Variants in RANBP2 observed in about 807,000 individuals in gnomAD.
RANBP2 encodes the protein E3 SUMO-protein ligase RanBP2.
A neutral mutation model predicts 303.6 loss-of-function variants in RANBP2; 57 were observed. The ratio of observed to expected loss-of-function variants is 0.19; its 90% CI spans 0.15 to 0.23. The LOEUF is 0.23. Among genes scored for constraint, RANBP2 ranks in the 10% least tolerant of loss-of-function variants. RANBP2 has a pLI of 1.00. For missense variants in RANBP2, 3,138 were observed against 3,780.8 expected (o/e 0.83, Z 4.46); for synonymous variants, 1,167 against 1,301.5 (o/e 0.90, Z 2.23).
At chr2:109,100,947 T>C in the RANBP2 span, among the ~76,000 whole-genome samples, 13 of 152,162 alleles carry the variant, frequency 8.5e-5, no homozygotes, top group African/African-American at 1.9e-4. Flanking sequence ...AGCTAACCAA[T>C]TGAAGAACAA....
At chr2:109,625,212 G>A in the RANBP2 span, among the ~76,000 whole-genome samples, 1 of 151,910 alleles carries the variant, frequency 6.6e-6, no homozygotes, top group Non-Finnish European at 1.5e-5. Flanking sequence ...CCAGGCACTG[G>A]CCTGGAGATC....
At chr2:109,614,813 C>A in the RANBP2 span, 1 of 1,454,192 alleles carries the variant, frequency 6.9e-7, no homozygotes, top group South Asian at 1.3e-5. Flanking sequence ...CCCCCGACGG[C>A]CCTGCCGGGC....
chr2:109,729,298 A>G, the RANBP2 span, among the ~76,000 whole-genome samples: 9 of 152,194 alleles, frequency 5.9e-5, no homozygotes, highest in South Asian at 2.1e-4. Context: ...ACACCCAAAC[A>G]TGTTTTCATG....
At chr2:109,130,100 C>T in the RANBP2 span, 8 of 1,335,218 alleles carry the variant, frequency 6.0e-6, no homozygotes, top group Non-Finnish European at 6.7e-6. Context: ...AGCAGGACCG[C>T]GCCGGCGGCA....
chr2:108,925,908 G>A, the RANBP2 span, among the ~76,000 whole-genome samples: 1 of 152,152 alleles, frequency 6.6e-6, no homozygotes, highest in Non-Finnish European at 1.5e-5. Flanking sequence ...GAACCACCGA[G>A]CCTGACCGGT....
At chr2:109,339,210 TG>T in the RANBP2 span, among the ~76,000 whole-genome samples, 5 of 146,460 alleles carry the variant, frequency 3.4e-5, no homozygotes, top group African/African-American at 1.3e-4. Context: ...TAACTTTTAT[TG>T]AAAAAAATCC....
chr2:109,266,032 G>A, the RANBP2 span, among the ~76,000 whole-genome samples: 1 of 152,006 alleles, frequency 6.6e-6, no homozygotes, highest in South Asian at 2.1e-4. Context: ...GTATATATGT[G>A]TATTCGGTGT....
chr2:109,607,464 A>G, the RANBP2 span, among the ~76,000 whole-genome samples: 1 of 152,198 alleles, frequency 6.6e-6, no homozygotes, highest in Middle Eastern at 3.2e-3. Context: ...AAGAGAGCAG[A>G]AATCGGTTCT....
the RANBP2 span, among the ~76,000 whole-genome samples, chr2:108,840,897 C>T: frequency 4.6e-5 from 7 of 152,164 alleles, no homozygotes; most frequent in South Asian, 1.5e-3. Context: ...TTGCAACCTC[C>T]ACCTCCCAGG....
the RANBP2 span, among the ~76,000 whole-genome samples, chr2:108,829,822 T>G: frequency 2.6e-5 from 4 of 152,206 alleles, no homozygotes; most frequent in Non-Finnish European, 5.9e-5. Context: ...CCTTGTTTAC[T>G]GGTGATAGGA....
rs570323916 is a variant in RANBP2 at position 108,766,135 on chromosome 2, C to G, written c.5596C>G (p.Gln1866Glu). 6.2e-7 allele frequency: 1 copy of G among 1,613,550 alleles called. No individual in the cohort carries two copies. The highest frequency in any genetic ancestry group is 1.7e-5 in the Admixed American group (1 of 60,010). The change falls in exon 20 of 29, where the codon CAA becomes GAA. Residue 1866 changes from glutamine to glutamate, a missense_variant. Gln to Glu is a conservative substitution (Grantham distance 29). Coordinates refer to ENST00000283195, the MANE Select transcript of RANBP2 (RefSeq NM_006267.5). ...AGGATTCAAATTTGGGCATGTGGATCAAGAAAATTCACCTTCATTTATGTT... is the reference window on the plus strand; with the variant it reads ...AGGATTCAAATTTGGGCATGTGGATGAAGAAAATTCACCTTCATTTATGTT... ...EQGFKFGHVD[Q>E]ENSPSFMFQG...
chr2:109,018,627 C>T, the RANBP2 span, among the ~76,000 whole-genome samples: 13 of 152,230 alleles, frequency 8.5e-5, no homozygotes, highest in Non-Finnish European at 1.6e-4. Flanking sequence ...GCCATAGGCT[C>T]TAGCTATGCT....
chr2:109,765,453 C>G, the RANBP2 span, among the ~76,000 whole-genome samples: 9 of 150,314 alleles, frequency 6.0e-5, no homozygotes, highest in Admixed American at 6.1e-4. Flanking sequence ...GTACAGGATG[C>G]AAAGGACAGT....
chr2:109,454,275 A>G, the RANBP2 span, among the ~76,000 whole-genome samples: 45 of 152,304 alleles, frequency 3.0e-4, no homozygotes, highest in African/African-American at 1.1e-3. Context: ...CTACTATCCA[A>G]TCTGTATTCC....
chr2:108,837,198 C>T, the RANBP2 span, among the ~76,000 whole-genome samples: 3 of 152,146 alleles, frequency 2.0e-5, no homozygotes, highest in East Asian at 1.9e-4. Flanking sequence ...TTTATTATAT[C>T]GAGGTGGTTT....
chr2:109,418,226 G>C, the RANBP2 span, among the ~76,000 whole-genome samples: 1 of 152,070 alleles, frequency 6.6e-6, no homozygotes, highest in African/African-American at 2.4e-5. Flanking sequence ...CTAGAGGAAG[G>C]GAGGAGACCC....
chr2:108,986,338 G>A, the RANBP2 span, among the ~76,000 whole-genome samples: 1 of 152,188 alleles, frequency 6.6e-6, no homozygotes, highest in Non-Finnish European at 1.5e-5. Flanking sequence ...CAGGAGATGA[G>A]TGTGTCTGGG....
chr2:109,715,753 C>T, the RANBP2 span, among the ~76,000 whole-genome samples: 8 of 152,174 alleles, frequency 5.3e-5, no homozygotes, highest in Non-Finnish European at 1.0e-4. Flanking sequence ...AGTTCCAACC[C>T]TCTAATCATC....
At chr2:109,173,830 C>T in the RANBP2 span, among the ~76,000 whole-genome samples, 4 of 152,208 alleles carry the variant, frequency 2.6e-5, no homozygotes, top group African/African-American at 7.2e-5. Context: ...GGAACACTGC[C>T]GTCGTCCTTG....
Sources: allele counts gnomAD v4.1 joint callset (sites outside exome capture counted in the v4.1 genomes callset), GRCh38; gene constraint gnomAD v4.1.1; transcripts MANE v1.5; gene names NCBI Gene and HGNC (gene_info 2026-07-23, HGNC 2026-07-21).